KCNMB2: variants seen among roughly 807,000 people sequenced by gnomAD.
KCNMB2 encodes the protein potassium calcium-activated channel subfamily M regulatory beta subunit 2, also known as calcium-activated potassium channel subunit beta-2.
Under a neutral mutation model 24.5 loss-of-function variants are expected in KCNMB2, and 9 were observed. The ratio of observed to expected loss-of-function variants is 0.37; its 90% CI spans 0.22 to 0.64. KCNMB2 has a LOEUF of 0.64. Among genes scored for constraint, KCNMB2 ranks in the 30% least tolerant of loss-of-function variants. The pLI, the probability that KCNMB2 is intolerant of heterozygous loss-of-function variation, is 0.63. For synonymous variants in KCNMB2, 109 were observed against 104.4 expected, an observed-to-expected ratio of 1.04 and a Z score of -0.27; for missense variants, 226 against 284.3, an observed-to-expected ratio of 0.79 and a Z score of 1.47.
At chr3:178,700,735 C>A (rs1381744197) in intron 1 of KCNMB2, among the ~76,000 whole-genome samples, 2 of 151,994 alleles carry the variant, frequency 1.3e-5, no homozygotes, top group East Asian at 3.9e-4. Flanking sequence ...GCTAACTCAT[C>A]CCCAATCACC....
At chr3:178,542,461 C>A (rs1483082452) in intron 1 of KCNMB2, among the ~76,000 whole-genome samples, 2 of 152,124 alleles carry the variant, frequency 1.3e-5, no homozygotes, top group Non-Finnish European at 1.5e-5. Context: ...AGATATTATA[C>A]CTTCCATTGA....
At chr3:178,756,123 A>C (rs1250152645) in intron 1 of KCNMB2, among the ~76,000 whole-genome samples, 2 of 152,164 alleles carry the variant, frequency 1.3e-5, no homozygotes, top group African/African-American at 4.8e-5. Context: ...GTTAAAATAG[A>C]AAAAAAGCAA....
chr3:178,779,551 T>C (rs1218618382), intron 1 of KCNMB2, among the ~76,000 whole-genome samples: 1 of 152,202 alleles, frequency 6.6e-6, no homozygotes, highest in Non-Finnish European at 1.5e-5. Context: ...TTATAGATTC[T>C]TTCTCCATTT....
chr3:178,655,156 C>CTCTCTCTA, intron 1 of KCNMB2, among the ~76,000 whole-genome samples: 1 of 147,806 alleles, frequency 6.8e-6, no homozygotes, highest in Non-Finnish European at 1.5e-5. Flanking sequence ...CTCTATTTCT[C>CTCTCTCTA]TGGGACTTAG....
chr3:178,645,514 T>C (rs533272707), intron 1 of KCNMB2, among the ~76,000 whole-genome samples: 1 of 152,192 alleles, frequency 6.6e-6, no homozygotes, highest in East Asian at 1.9e-4. Context: ...AGGCAGTCAA[T>C]GAAGGGGAAA....
intron 1 of KCNMB2, among the ~76,000 whole-genome samples, chr3:178,804,158 C>A (rs772750857): frequency 6.6e-6 from 1 of 152,154 alleles, no homozygotes; most frequent in Non-Finnish European, 1.5e-5. Context: ...AAAGTACTTT[C>A]TTTTTTGGTC....
intron 1 of KCNMB2, among the ~76,000 whole-genome samples, chr3:178,723,694 T>C (rs1383285299): frequency 6.6e-6 from 1 of 152,212 alleles, no homozygotes; most frequent in East Asian, 1.9e-4. Flanking sequence ...TTTGTGTCCA[T>C]GTATACCCAA....
At chr3:178,842,629 A>G (rs889349746) in intron 4 of KCNMB2, 24 bp from the exon 5 acceptor site, 7 of 1,512,004 alleles carry the variant, frequency 4.6e-6, no homozygotes, top group Admixed American at 1.7e-5. Context: ...ATCTTCTAGT[A>G]ACAGTTTATC....
intron 1 of KCNMB2, among the ~76,000 whole-genome samples, chr3:178,561,296 A>G (rs1295198088): frequency 6.6e-6 from 1 of 152,240 alleles, no homozygotes; most frequent in Non-Finnish European, 1.5e-5. Context: ...GGATTATTAT[A>G]AAATTTTTAG....
At chr3:178,539,146 T>C (rs993865053) in intron 1 of KCNMB2, among the ~76,000 whole-genome samples, 3 of 152,188 alleles carry the variant, frequency 2.0e-5, no homozygotes, top group African/African-American at 7.2e-5. Flanking sequence ...TCCTACTTTA[T>C]TGGAAGATAT....
At chr3:178,820,173 G>A (rs1714570026) in intron 2 of KCNMB2, among the ~76,000 whole-genome samples, 2 of 152,100 alleles carry the variant, frequency 1.3e-5, no homozygotes, top group South Asian at 4.1e-4. Flanking sequence ...CGTAAAGTTG[G>A]CAAAATATTT....
At chr3:178,816,383 C>T (rs1389166604) in intron 2 of KCNMB2, among the ~76,000 whole-genome samples, 1 of 150,974 alleles carries the variant, frequency 6.6e-6, no homozygotes, top group Non-Finnish European at 1.5e-5. Flanking sequence ...CTATTTTTTC[C>T]TTGATCAATT....
chr3:178,760,433 A>C (rs1463003973), intron 1 of KCNMB2, among the ~76,000 whole-genome samples: 1 of 141,974 alleles, frequency 7.0e-6, no homozygotes, highest in Non-Finnish European at 1.5e-5. Flanking sequence ...TCCATATCCA[A>C]GATATATATA....
chr3:178,827,182 A>G (rs1407876949), intron 3 of KCNMB2, among the ~76,000 whole-genome samples: 3 of 152,156 alleles, frequency 2.0e-5, no homozygotes, highest in African/African-American at 7.2e-5. Context: ...CAAACCATCA[A>G]TTGCTGGTGT....
intron 1 of KCNMB2, among the ~76,000 whole-genome samples, chr3:178,722,836 T>C (rs1461555618): frequency 2.0e-5 from 3 of 152,198 alleles, no homozygotes; most frequent in Non-Finnish European, 1.5e-5. Flanking sequence ...GAGGTTGTTA[T>C]GAGCTGAGAT....
rs1272312736 is a variant in KCNMB2 at position 178,844,411 on chromosome 3, T to A, written c.*1474T>A. ...TCAGGACTTCAAATGTGTAATTAAA[T>A]TTTTTTAAAAAAAATCTATTAAATT... On this transcript the variant is annotated 3_prime_UTR_variant, in exon 5 of 5. Transcript: ENST00000452583. 1 of 152,116 alleles carries A rather than the reference T, an allele frequency of 6.6e-6. No individual in the cohort carries two copies. Among genetic ancestry groups the A allele is most frequent in the African/African-American group, 2.4e-5 (1 of 41,352 alleles). The allele number at this position is 152,116 out of a possible 1,614,324, so 9.4% of individuals were successfully genotyped here.
chr3:178,670,111 C>T (rs1026237948), intron 1 of KCNMB2, among the ~76,000 whole-genome samples: 2 of 152,174 alleles, frequency 1.3e-5, no homozygotes, highest in Non-Finnish European at 2.9e-5. Context: ...TCTATTACCA[C>T]TTATTGAGCC....
chr3:178,542,454 T>C (rs1715651663), intron 1 of KCNMB2, among the ~76,000 whole-genome samples: 1 of 152,204 alleles, frequency 6.6e-6, no homozygotes, highest in South Asian at 2.1e-4. Context: ...CAGCAGTAGA[T>C]ATTATACCTT....
intron 1 of KCNMB2, among the ~76,000 whole-genome samples, chr3:178,692,370 G>A (rs1721712883): frequency 6.6e-6 from 1 of 152,152 alleles, no homozygotes; most frequent in Non-Finnish European, 1.5e-5. Context: ...GAATTTTATA[G>A]TTTTGGGTTT....
Sources: gnomAD v4.1 joint callset for allele counts (sites outside exome capture counted in the v4.1 genomes callset) on GRCh38, gnomAD v4.1.1 for gene constraint, MANE v1.5 for transcripts, NCBI Gene and HGNC (gene_info 2026-07-23, HGNC 2026-07-21) for gene names.